LRMDA: variants seen among roughly 807,000 people sequenced by gnomAD.
LRMDA encodes leucine rich melanocyte differentiation associated.
In LRMDA, 18 loss-of-function variants were observed where a neutral mutation model predicts 29.8. That is an observed-to-expected ratio of 0.60 (90% CI 0.42 to 0.90). The LOEUF is 0.90. Among genes scored for constraint, LRMDA ranks in the 40% least tolerant of loss-of-function variants. The pLI, the probability that LRMDA is intolerant of heterozygous loss-of-function variation, is 0.00. For synonymous variants in LRMDA, 125 were observed against 109.4 expected (o/e 1.14, Z -0.89); for missense variants, 273 against 273.9 (o/e 1.00, Z 0.02).
intron 5 of LRMDA, among the ~76,000 whole-genome samples, chr10:76,241,651 A>AT (rs1420552480): frequency 6.6e-6 from 1 of 152,160 alleles, no homozygotes; most frequent in Non-Finnish European, 1.5e-5. Context: ...CAGGCACAGG[A>AT]TTCCCTTCAT....
chr10:76,487,284 T>C (rs1288213706), intron 6 of LRMDA, among the ~76,000 whole-genome samples: 1 of 151,862 alleles, frequency 6.6e-6, no homozygotes, highest in African/African-American at 2.4e-5. Context: ...TCATTGAAGT[T>C]TAAGAGACCA....
intron 2 of LRMDA, among the ~76,000 whole-genome samples, chr10:75,902,276 G>T (rs1371842056): frequency 1.3e-5 from 2 of 152,170 alleles, no homozygotes; most frequent in African/African-American, 4.8e-5. Context: ...GCTTAGGGTT[G>T]TTTGAGAAGT....
At chr10:76,296,843 G>A (rs2132354994) in intron 5 of LRMDA, among the ~76,000 whole-genome samples, 1 of 152,300 alleles carries the variant, frequency 6.6e-6, no homozygotes, top group East Asian at 1.9e-4. Context: ...CATATTTGAT[G>A]GATACCTAGT....
At chr10:76,401,922 G>A (rs762490005) in intron 6 of LRMDA, among the ~76,000 whole-genome samples, 23 of 152,068 alleles carry the variant, frequency 1.5e-4, no homozygotes, top group Admixed American at 3.3e-4. Flanking sequence ...GAAACCAAAG[G>A]GGCAGGGATA....
chr10:76,245,405 G>A (rs1852356790), intron 5 of LRMDA, among the ~76,000 whole-genome samples: 1 of 152,126 alleles, frequency 6.6e-6, no homozygotes, highest in South Asian at 2.1e-4. Flanking sequence ...TTGTTTTTGG[G>A]ACATTAGCCC....
chr10:75,671,661 T>A (rs1197088610), intron 2 of LRMDA, among the ~76,000 whole-genome samples: 1 of 152,174 alleles, frequency 6.6e-6, no homozygotes, highest in African/African-American at 2.4e-5. Context: ...CAGGGAGGGA[T>A]AGCATTAACA....
chr10:76,198,593 G>A (rs768967830), intron 5 of LRMDA, among the ~76,000 whole-genome samples: 3 of 152,138 alleles, frequency 2.0e-5, no homozygotes, highest in African/African-American at 4.8e-5. Context: ...TCTTTGCATC[G>A]CCCTATTCTA....
At chr10:76,556,730 A>T (rs950723014) in intron 6 of LRMDA, among the ~76,000 whole-genome samples, 3 of 152,150 alleles carry the variant, frequency 2.0e-5, no homozygotes, top group Admixed American at 1.3e-4. Flanking sequence ...GCCTGCCAGA[A>T]TTTGGAATAT....
chr10:76,526,977 AAAATAAATAAAT>A (rs199776614), intron 6 of LRMDA, among the ~76,000 whole-genome samples: 2,544 of 121,492 alleles, frequency 0.021, 60 homozygotes, highest in African/African-American at 0.058. Flanking sequence ...AAAGTATAAT[AAAATAAATAAAT>A]AAATAAATAA....
At position 76,047,248 on chromosome 10, in the gene LRMDA, T is replaced by C. The variant is rs1236661724; in HGVS notation, c.343T>C (p.Cys115Arg). ...CCTCAGTCTGCTGGGCAACGTGGCC[T>C]GTCCCAACGAGCTGGTCAGCTTGGA... Reference protein sequence around the residue: ...EYLSLLGNVACPNELVSLEKD... With the variant: ...EYLSLLGNVARPNELVSLEKD... Residue 115 changes from cysteine (C) to arginine (R), a missense_variant, in exon 4 of 7, where the codon TGT becomes CGT. By Grantham distance (180) the Cys-to-Arg change is radical (BLOSUM62 -3). Coordinates refer to ENST00000611255, the MANE Select transcript of LRMDA (RefSeq NM_001305581.2). 6.2e-7 allele frequency: 1 copy of C among 1,614,012 alleles called. No individual in the cohort carries two copies. The highest frequency in any genetic ancestry group is 1.1e-5 in the South Asian group (1 of 91,056).
chr10:76,510,412 GCTTT>G (rs1842999191), intron 6 of LRMDA, among the ~76,000 whole-genome samples: 1 of 78,700 alleles, frequency 1.3e-5, no homozygotes, highest in African/African-American at 3.1e-5. Flanking sequence ...CCTGTGGCAT[GCTTT>G]TTTTTGGGAA....
chr10:76,006,608 C>A (rs1847664581), intron 2 of LRMDA, among the ~76,000 whole-genome samples: 1 of 152,304 alleles, frequency 6.6e-6, no homozygotes, highest in East Asian at 1.9e-4. Context: ...GGAAAAAAAT[C>A]TTTAAATAGA....
chr10:75,930,350 C>T (rs941159974), intron 2 of LRMDA, among the ~76,000 whole-genome samples: 2 of 151,892 alleles, frequency 1.3e-5, no homozygotes, highest in African/African-American at 4.8e-5. Context: ...TTCTCGGTGT[C>T]TTAGTTGGAG....
chr10:75,837,957 G>C (rs1233929234), intron 2 of LRMDA, among the ~76,000 whole-genome samples: 2 of 152,028 alleles, frequency 1.3e-5, no homozygotes, highest in Non-Finnish European at 2.9e-5. Context: ...TGTCCTAAAG[G>C]CTTTTTGTAC....
At chr10:75,736,056 A>G (rs1645931673) in intron 2 of LRMDA, among the ~76,000 whole-genome samples, 1 of 152,142 alleles carries the variant, frequency 6.6e-6, no homozygotes, top group Non-Finnish European at 1.5e-5. Flanking sequence ...TTCTTTCCCA[A>G]ACTCTCCTCG....
intron 5 of LRMDA, among the ~76,000 whole-genome samples, chr10:76,305,877 A>T (rs2758983): frequency 0.87 from 132,979 of 152,190 alleles, 58,838 homozygotes; most frequent in Non-Finnish European, 0.95. Flanking sequence ...AATTTACAGA[A>T]AATTTTGAAA....
chr10:76,353,285 T>C (rs914340191), intron 6 of LRMDA, among the ~76,000 whole-genome samples: 6 of 152,046 alleles, frequency 3.9e-5, no homozygotes, highest in African/African-American at 1.4e-4. Context: ...GCCAGAAGCA[T>C]GCCAGGCCAT....
intron 5 of LRMDA, among the ~76,000 whole-genome samples, chr10:76,080,362 G>A (rs907991925): frequency 1.3e-5 from 2 of 152,154 alleles, no homozygotes; most frequent in African/African-American, 4.8e-5. Flanking sequence ...ACCCCATGGG[G>A]CCAAACTTAG....
intron 2 of LRMDA, among the ~76,000 whole-genome samples, chr10:75,966,883 G>A (rs1846870341): frequency 6.6e-6 from 1 of 152,176 alleles, no homozygotes; most frequent in African/African-American, 2.4e-5. Context: ...GATAGGGAAG[G>A]TACCTCCTTA....
Sources: allele counts gnomAD v4.1 joint callset (sites outside exome capture counted in the v4.1 genomes callset), GRCh38; gene constraint gnomAD v4.1.1; transcripts MANE v1.5; gene names NCBI Gene and HGNC (gene_info 2026-07-23, HGNC 2026-07-21).